OLA1: variants seen among roughly 807,000 people sequenced by gnomAD.
The protein encoded by OLA1 is obg-like ATPase 1.
Under a neutral mutation model 48.4 loss-of-function variants are expected in OLA1, and 14 were observed. The ratio of observed to expected loss-of-function variants is 0.29; its 90% CI spans 0.19 to 0.45. OLA1 has a LOEUF of 0.45. Among genes scored for constraint, OLA1 ranks in the 20% least tolerant of loss-of-function variants. OLA1 has a pLI of 1.00. For synonymous variants in OLA1, 127 were observed against 150.4 expected (o/e 0.84, Z 1.14); for missense variants, 325 against 467.1 (o/e 0.70, Z 2.80).
intron 4 of OLA1, among the ~76,000 whole-genome samples, chr2:174,171,501 A>T (rs1687302695): frequency 1.3e-5 from 2 of 152,198 alleles, no homozygotes; most frequent in African/African-American, 4.8e-5. Context: ...GGAAATACAC[A>T]AACGTTTTAA....
rs1686455020 is a variant in OLA1, at chr2:174,141,831, A to G, written c.543T>C (p.Pro181=). The change falls in exon 5 of 11, where the codon CCT becomes CCC. Residue 181 remains proline (P), a synonymous_variant. Transcript: ENST00000284719. ...AVRGGDKKLK[P]EYDIMCKVKS... ...GCTGTAAATTTTTACTTACATATTC[A>G]GGTTTTAGTTTTTTATCTCCTCCTC... The G allele has an allele frequency of 6.3e-7, 1 of 1,593,820 alleles. No homozygotes were observed. The highest frequency in any genetic ancestry group is 8.5e-7 in the Non-Finnish European group (1 of 1,175,140).
intron 5 of OLA1, among the ~76,000 whole-genome samples, chr2:174,127,881 T>G (rs563652550): frequency 5.2e-4 from 79 of 152,240 alleles, no homozygotes; most frequent in Middle Eastern, 3.4e-3. Context: ...CCTTTTATAA[T>G]GTTTATCTAA....
intron 8 of OLA1, 41 bp from the exon 9 acceptor site, chr2:174,081,289 A>T: frequency 1.3e-6 from 2 of 1,486,494 alleles, no homozygotes; most frequent in Non-Finnish European, 1.9e-6. Context: ...ACATAAGTTG[A>T]TTGTGCCAGA....
chr2:174,102,167 A>C (rs1335091368), intron 7 of OLA1, among the ~76,000 whole-genome samples: 1 of 151,972 alleles, frequency 6.6e-6, no homozygotes, highest in Non-Finnish European at 1.5e-5. Flanking sequence ...CATCAATATC[A>C]CCTGGGAGCA....
At chr2:174,214,376 T>C (rs980101252) in intron 4 of OLA1, among the ~76,000 whole-genome samples, 5 of 152,182 alleles carry the variant, frequency 3.3e-5, no homozygotes, top group African/African-American at 1.2e-4. Flanking sequence ...CAAAGTGCTA[T>C]AAAAATATTC....
At chr2:174,125,904 T>C (rs1370685330) in intron 5 of OLA1, among the ~76,000 whole-genome samples, 1 of 152,168 alleles carries the variant, frequency 6.6e-6, no homozygotes, top group Non-Finnish European at 1.5e-5. Flanking sequence ...TATTATAACC[T>C]AGTTTTTGGA....
chr2:174,105,393 T>C (rs1275403175), intron 7 of OLA1, among the ~76,000 whole-genome samples: 1 of 152,034 alleles, frequency 6.6e-6, no homozygotes, highest in African/African-American at 2.4e-5. Context: ...ATGTACTTTG[T>C]AGAATTTTGA....
At chr2:174,222,079 T>C (rs942190133) in intron 4 of OLA1, among the ~76,000 whole-genome samples, 2 of 152,198 alleles carry the variant, frequency 1.3e-5, no homozygotes, top group South Asian at 2.1e-4. Context: ...ACAAAAGTAA[T>C]TGCAGTTTTG....
chr2:174,215,231 G>A (rs925132105), intron 4 of OLA1, among the ~76,000 whole-genome samples: 3 of 151,954 alleles, frequency 2.0e-5, no homozygotes, highest in Non-Finnish European at 4.4e-5. Flanking sequence ...CTCTTGTGGT[G>A]GTTTTATGAA....
chr2:174,216,569 T>A (rs1223861305), intron 4 of OLA1, among the ~76,000 whole-genome samples: 1 of 152,138 alleles, frequency 6.6e-6, no homozygotes, highest in Non-Finnish European at 1.5e-5. Context: ...CTTTTTATTT[T>A]TAAGACAGGG....
intron 4 of OLA1, among the ~76,000 whole-genome samples, chr2:174,195,179 A>G (rs1395830901): frequency 6.6e-6 from 1 of 152,114 alleles, no homozygotes; most frequent in East Asian, 1.9e-4. Context: ...ATAAATAACC[A>G]TTTTAAGGCA....
At chr2:174,157,581 T>C (rs1218010667) in intron 4 of OLA1, among the ~76,000 whole-genome samples, 1 of 152,232 alleles carries the variant, frequency 6.6e-6, no homozygotes, top group Non-Finnish European at 1.5e-5. Flanking sequence ...AACTAGTGTT[T>C]AAATGCTTGG....
chr2:174,144,930 TAAA>T (rs71021671), intron 4 of OLA1, among the ~76,000 whole-genome samples: 496 of 41,022 alleles, frequency 0.012, 3 homozygotes, highest in Admixed American at 0.019. Context: ...AGACCCTGTT[TAAA>T]AAAAAAAAAA....
At chr2:174,167,572 A>G (rs758166039) in intron 4 of OLA1, among the ~76,000 whole-genome samples, 3 of 152,184 alleles carry the variant, frequency 2.0e-5, no homozygotes, top group Non-Finnish European at 2.9e-5. Flanking sequence ...GCAAAACTTC[A>G]TCCAAAATAT....
At chr2:174,104,033 T>C (rs902722321) in intron 7 of OLA1, among the ~76,000 whole-genome samples, 1 of 152,054 alleles carries the variant, frequency 6.6e-6, no homozygotes, top group Non-Finnish European at 1.5e-5. Flanking sequence ...ATTTATACAT[T>C]GTGAAGAGCA....
intron 1 of OLA1, 164 bp from the exon 2 acceptor site, chr2:174,246,979 C>CA: frequency 2.3e-6 from 1 of 434,394 alleles, no homozygotes; most frequent in Middle Eastern, 4.4e-4. Flanking sequence ...TTTTTTTCAG[C>CA]AAAAATGTTT....
chr2:174,215,871 A>C (rs1184592460), intron 4 of OLA1, among the ~76,000 whole-genome samples: 1 of 152,232 alleles, frequency 6.6e-6, no homozygotes, highest in Non-Finnish European at 1.5e-5. Flanking sequence ...CTTATCTTAA[A>C]ACACTGTGAG....
At chr2:174,185,899 C>G (rs1687647239) in intron 4 of OLA1, among the ~76,000 whole-genome samples, 1 of 151,990 alleles carries the variant, frequency 6.6e-6, no homozygotes, top group Admixed American at 6.6e-5. Flanking sequence ...TGCACTCCAG[C>G]CTAGATGACA....
intron 4 of OLA1, among the ~76,000 whole-genome samples, chr2:174,211,670 A>G (rs1209220702): frequency 6.6e-6 from 1 of 152,144 alleles, no homozygotes; most frequent in African/African-American, 2.4e-5. Flanking sequence ...CCCCAGTTCT[A>G]TTTTTCAGAA....
Sources: gnomAD v4.1 joint callset for allele counts (sites outside exome capture counted in the v4.1 genomes callset) on GRCh38, gnomAD v4.1.1 for gene constraint, MANE v1.5 for transcripts, NCBI Gene and HGNC (gene_info 2026-07-23, HGNC 2026-07-21) for gene names.